Variants in GPC5 observed in about 807,000 individuals in gnomAD.
The protein encoded by GPC5 is glypican 5.
In GPC5, 47 loss-of-function variants were observed where a neutral mutation model predicts 53.9. That is an observed-to-expected ratio of 0.87 (90% CI 0.69 to 1.11). The LOEUF is 1.11. GPC5 is among the 50% of genes most tolerant of loss of function. The pLI, the probability that GPC5 is intolerant of heterozygous loss-of-function variation, is 0.00. For synonymous variants in GPC5, 286 were observed against 263.3 expected (o/e 1.09, Z -0.84); for missense variants, 748 against 713.1 (o/e 1.05, Z -0.56).
chr13:92,451,998 G>A (rs1241008286), intron 7 of GPC5, among the ~76,000 whole-genome samples: 1 of 152,112 alleles, frequency 6.6e-6, no homozygotes, highest in Non-Finnish European at 1.5e-5. Context: ...GGACTAAGGG[G>A]AAAAATAGGA....
intron 7 of GPC5, among the ~76,000 whole-genome samples, chr13:92,403,331 G>A (rs1875642372): frequency 6.6e-6 from 1 of 152,132 alleles, no homozygotes; most frequent in Non-Finnish European, 1.5e-5. Flanking sequence ...TTAAATCAGG[G>A]GACCCCAAGC....
Position 91,410,179 on chromosome 13 carries a change from G to C in GPC5, c.163+10970G>C, listed in dbSNP as rs150444221. ...TCCCTTTTCCCTTTCAGTGGTTTTTGAGAAGCATGTGGTATTGGGAAGGCG... is the reference window on the plus strand; with the variant it reads ...TCCCTTTTCCCTTTCAGTGGTTTTTCAGAAGCATGTGGTATTGGGAAGGCG... On this transcript the variant is annotated intron_variant, in intron 1 of 7. Coordinates refer to ENST00000377067, the MANE Select transcript of GPC5 (RefSeq NM_004466.6). 8.7e-3 allele frequency among the ~76,000 whole-genome samples: 1,318 copies of C among 152,152 alleles called. 22 individuals are homozygous for C. Among genetic ancestry groups the C allele is most frequent in the African/African-American group, 0.03 (1,251 of 41,490 alleles).
chr13:91,760,993 C>G (rs1042948499), intron 5 of GPC5, among the ~76,000 whole-genome samples: 1 of 152,148 alleles, frequency 6.6e-6, no homozygotes, highest in African/African-American at 2.4e-5. Context: ...GTCTGTATCT[C>G]TTACAGTCTC....
chr13:91,831,421 C>T (rs2038657221), intron 5 of GPC5, among the ~76,000 whole-genome samples: 1 of 152,004 alleles, frequency 6.6e-6, no homozygotes, highest in Admixed American at 6.6e-5. Flanking sequence ...CTTTTGGCAA[C>T]ACTCACACAG....
intron 5 of GPC5, among the ~76,000 whole-genome samples, chr13:91,803,529 A>G (rs7981572): frequency 0.51 from 78,137 of 151,830 alleles, 20,735 homozygotes; most frequent in East Asian, 0.73. Context: ...AAATTTCACC[A>G]TTATAAAAAA....
chr13:92,381,809 ATTATTTCATATATAAT>A (rs2139307346), intron 7 of GPC5, among the ~76,000 whole-genome samples: 7 of 145,338 alleles, frequency 4.8e-5, no homozygotes, highest in East Asian at 2.0e-4. Context: ...ATACATAGAT[ATTATTTCATATATAAT>A]CATATATATT....
At chr13:91,841,574 GAAGTAGTCAGCTTTA>G (rs200639737) in intron 5 of GPC5, among the ~76,000 whole-genome samples, 1,704 of 152,070 alleles carry the variant, frequency 0.011, 18 homozygotes, top group Middle Eastern at 0.024. Flanking sequence ...AATCATTGTA[GAAGTAGTCAGCTTTA>G]ACAAGGTGGC....
intron 1 of GPC5, among the ~76,000 whole-genome samples, chr13:91,434,781 A>T (rs896126270): frequency 2.0e-4 from 30 of 152,154 alleles, no homozygotes; most frequent in Non-Finnish European, 1.0e-4. Context: ...CTTGGGCAGT[A>T]TGGCCATTTT....
intron 6 of GPC5, among the ~76,000 whole-genome samples, chr13:92,030,172 A>C (rs776774673): frequency 9.2e-5 from 14 of 152,120 alleles, no homozygotes; most frequent in Non-Finnish European, 1.8e-4. Context: ...GTTTTGAAAA[A>C]CCTCACTAGT....
chr13:91,730,652 A>G (rs1015797660), intron 4 of GPC5, among the ~76,000 whole-genome samples: 1 of 152,206 alleles, frequency 6.6e-6, no homozygotes, highest in African/African-American at 2.4e-5. Context: ...AACAGGCTTA[A>G]CTGGACTCAC....
intron 7 of GPC5, among the ~76,000 whole-genome samples, chr13:92,192,435 T>G (rs2042229115): frequency 6.6e-6 from 1 of 152,186 alleles, no homozygotes; most frequent in African/African-American, 2.4e-5. Context: ...GAGCTCATTT[T>G]TCAAGGAAAT....
intron 2 of GPC5, among the ~76,000 whole-genome samples, chr13:91,466,879 A>G (rs1388999250): frequency 1.3e-5 from 2 of 152,056 alleles, no homozygotes; most frequent in East Asian, 3.9e-4. Flanking sequence ...TGGGTATACT[A>G]CTATGGAGAG....
intron 2 of GPC5, among the ~76,000 whole-genome samples, chr13:91,609,660 C>A (rs548087049): frequency 6.6e-6 from 1 of 152,180 alleles, no homozygotes; most frequent in Non-Finnish European, 1.5e-5. Flanking sequence ...GCAAGGCCAT[C>A]CCCCAAGGCT....
intron 7 of GPC5, among the ~76,000 whole-genome samples, chr13:92,346,809 T>C (rs1210155286): frequency 6.6e-6 from 1 of 152,122 alleles, no homozygotes; most frequent in Non-Finnish European, 1.5e-5. Flanking sequence ...AAGTAAAATT[T>C]GGAAGACAAC....
At chr13:92,545,290 G>T (rs914240690) in intron 7 of GPC5, among the ~76,000 whole-genome samples, 2 of 152,140 alleles carry the variant, frequency 1.3e-5, no homozygotes, top group African/African-American at 4.8e-5. Flanking sequence ...TGGTGTATAT[G>T]TGCCACATTT....
At chr13:92,631,258 A>G (rs1204133930) in intron 7 of GPC5, among the ~76,000 whole-genome samples, 3 of 152,174 alleles carry the variant, frequency 2.0e-5, no homozygotes, top group Non-Finnish European at 4.4e-5. Flanking sequence ...GTGCTAAAAA[A>G]TAACAGTAGA....
intron 4 of GPC5, among the ~76,000 whole-genome samples, chr13:91,750,811 C>T (rs747332987): frequency 5.3e-5 from 8 of 150,966 alleles, no homozygotes; most frequent in East Asian, 2.0e-4. Context: ...TACAGGCCTG[C>T]GCCACCATGC....
intron 6 of GPC5, among the ~76,000 whole-genome samples, chr13:92,085,025 A>G (rs1413865619): frequency 1.3e-5 from 2 of 152,154 alleles, no homozygotes; most frequent in African/African-American, 4.8e-5. Flanking sequence ...ACATGGTGGA[A>G]GGGGCTAGGG....
At chr13:92,050,445 A>G (rs1266380179) in intron 6 of GPC5, among the ~76,000 whole-genome samples, 1 of 152,144 alleles carries the variant, frequency 6.6e-6, no homozygotes, top group East Asian at 1.9e-4. Flanking sequence ...TGTAATACAG[A>G]CACATATTTT....
Sources: allele counts gnomAD v4.1 joint callset (sites outside exome capture counted in the v4.1 genomes callset), GRCh38; gene constraint gnomAD v4.1.1; transcripts MANE v1.5; gene names NCBI Gene and HGNC (gene_info 2026-07-23, HGNC 2026-07-21).